The following ATP13A4 variants were observed in gnomAD, a reference collection of about 807,000 sequenced individuals.
ATP13A4 encodes probable cation-transporting ATPase 13A4.
A neutral mutation model predicts 142.5 loss-of-function variants in ATP13A4; 114 were observed. The observed-to-expected ratio is 0.80, with a 90% CI of 0.69 to 0.93. The LOEUF is 0.93. ATP13A4 is among the 40% of genes least tolerant of loss of function. The pLI is 0.00. For synonymous variants in ATP13A4, 488 were observed against 514.8 expected, an observed-to-expected ratio of 0.95 and a Z score of 0.70; for missense variants, 1,392 against 1,454.0, an observed-to-expected ratio of 0.96 and a Z score of 0.69.
chr3:193,516,845 C>T (rs1288972611), intron 1 of ATP13A4, among the ~76,000 whole-genome samples: 1 of 151,994 alleles, frequency 6.6e-6, no homozygotes, highest in Non-Finnish European at 1.5e-5. Context: ...TGTTCATTGC[C>T]AACATAAAGT....
chr3:193,465,236 G>A, intron 11 of ATP13A4, 108 bp from the exon 12 acceptor site: 8 of 1,181,392 alleles, frequency 6.8e-6, no homozygotes, highest in South Asian at 4.0e-5. Flanking sequence ...CGCCCAGGCT[G>A]GAATACAGTG....
At chr3:193,489,948 T>C in intron 6 of ATP13A4, 84 bp from the exon 7 acceptor site, 1 of 1,397,110 alleles carries the variant, frequency 7.2e-7, no homozygotes, top group Admixed American at 1.7e-5. Flanking sequence ...CATAATCATC[T>C]TCATGACATA....
chr3:193,512,106 C>T (rs1174173397), intron 2 of ATP13A4, among the ~76,000 whole-genome samples: 17 of 152,194 alleles, frequency 1.1e-4, no homozygotes, highest in African/African-American at 3.6e-4. Flanking sequence ...TGCTGATGGA[C>T]CCTGCAAGGC....
At chr3:193,498,923 A>C (rs1465108377) in intron 3 of ATP13A4, among the ~76,000 whole-genome samples, 1 of 152,236 alleles carries the variant, frequency 6.6e-6, no homozygotes, top group African/African-American at 2.4e-5. Flanking sequence ...GGCACAAAAT[A>C]AGTGCTCAAT....
chr3:193,538,622 T>C (rs1045738924), intron 1 of ATP13A4, among the ~76,000 whole-genome samples: 3 of 151,890 alleles, frequency 2.0e-5, no homozygotes, highest in African/African-American at 7.3e-5. Context: ...TCAGCACTTG[T>C]GGATGAAAGC....
At chr3:193,527,661 G>T (rs933420833) in intron 1 of ATP13A4, among the ~76,000 whole-genome samples, 1 of 149,522 alleles carries the variant, frequency 6.7e-6, no homozygotes, top group Non-Finnish European at 1.5e-5. Flanking sequence ...CCTTCCTGCC[G>T]CCATGTAAGA....
At chr3:193,470,788 C>T (rs904937341) in intron 9 of ATP13A4, 71 bp downstream of exon 9, 37 of 1,606,804 alleles carry the variant, frequency 2.3e-5, no homozygotes, top group Admixed American at 1.3e-4. Flanking sequence ...GAGGAGGAGG[C>T]GTAGGGACCA....
At chr3:193,538,416 T>C (rs1033162321) in intron 1 of ATP13A4, among the ~76,000 whole-genome samples, 2 of 151,320 alleles carry the variant, frequency 1.3e-5, no homozygotes, top group Non-Finnish European at 2.9e-5. Flanking sequence ...GATCTACATC[T>C]ATTTTAGAGA....
At chr3:193,534,111 C>T (rs1459200638) in intron 1 of ATP13A4, among the ~76,000 whole-genome samples, 3 of 152,150 alleles carry the variant, frequency 2.0e-5, no homozygotes, top group Non-Finnish European at 4.4e-5. Flanking sequence ...GTTTGAACTC[C>T]TACCTTTATC....
rs1483937765 is a variant in ATP13A4, at chr3:193,438,502, T to C, written c.2645A>G (p.Asn882Ser). ...VASPFTSKTPNIECVPHLIKE... is the reference protein window; with the variant it reads ...VASPFTSKTPSIECVPHLIKE... ...GATAAGGTGAGGTACGCACTCAATG[T>C]TTGGAGTTTTGGAAGTGAAAGGTGA... The change falls in exon 23 of 30, where the codon AAC (asparagine) becomes AGC (serine). Residue 882 changes from asparagine (N) to serine (S), a missense_variant. Coordinates refer to ENST00000342695, the MANE Select transcript of ATP13A4 (RefSeq NM_032279.4). 1 of 1,613,768 alleles carries C rather than the reference T, an allele frequency of 6.2e-7. No homozygotes were observed. Among genetic ancestry groups the C allele is most frequent in the African/African-American group, 1.3e-5 (1 of 74,908 alleles).
intron 12 of ATP13A4, among the ~76,000 whole-genome samples, 163 bp from the exon 13 acceptor site, chr3:193,462,986 A>T (rs1472188276): frequency 6.8e-6 from 1 of 146,830 alleles, no homozygotes; most frequent in African/African-American, 2.6e-5. Context: ...CCCTATTTTA[A>T]AAAAAAAAAA....
At chr3:193,424,369 C>T (rs1715550228) in intron 25 of ATP13A4, among the ~76,000 whole-genome samples, 1 of 149,028 alleles carries the variant, frequency 6.7e-6, no homozygotes, top group South Asian at 2.1e-4. Flanking sequence ...CCTTGAATAA[C>T]CAAAGCACTC....
At chr3:193,500,204 T>C (rs538951991) in intron 3 of ATP13A4, among the ~76,000 whole-genome samples, 2 of 152,234 alleles carry the variant, frequency 1.3e-5, no homozygotes, top group Admixed American at 1.3e-4. Flanking sequence ...GCGGGGTGAA[T>C]TTCATCTTTC....
upstream of ATP13A4, among the ~76,000 whole-genome samples, chr3:193,556,804 A>G (rs578215314): frequency 6.6e-6 from 1 of 152,302 alleles, no homozygotes; most frequent in Admixed American, 6.5e-5. Flanking sequence ...ATACCTCAAA[A>G]AAACCTAACT....
intron 2 of ATP13A4, among the ~76,000 whole-genome samples, chr3:193,560,650 C>T (rs956425607): frequency 4.6e-5 from 7 of 152,326 alleles, no homozygotes; most frequent in Admixed American, 4.6e-4. Flanking sequence ...ATGGCCATAT[C>T]ACTGAATTGT....
At chr3:193,413,016 C>T (rs930600602) in intron 26 of ATP13A4, among the ~76,000 whole-genome samples, 6 of 152,144 alleles carry the variant, frequency 3.9e-5, no homozygotes, top group African/African-American at 1.2e-4. Flanking sequence ...GAGAGAGACT[C>T]CATCTCTATA....
intron 1 of ATP13A4, among the ~76,000 whole-genome samples, chr3:193,531,822 C>A (rs112113189): frequency 1.3e-5 from 2 of 152,130 alleles, no homozygotes; most frequent in African/African-American, 4.8e-5. Context: ...TTGGGGGAAA[C>A]CTCCTTATTG....
chr3:193,547,805 T>A (rs570685019), intron 1 of ATP13A4, among the ~76,000 whole-genome samples: 1 of 152,346 alleles, frequency 6.6e-6, no homozygotes, highest in South Asian at 2.1e-4. Flanking sequence ...CTTAATGCTC[T>A]GCTATCACCA....
Position 193,503,995 on chromosome 3 carries a change from A to ATGTGTGTG in ATP13A4, c.235-1364_235-1357dup, listed in dbSNP as rs554927410. Among the ~76,000 whole-genome samples, 8 of 136,174 alleles carry ATGTGTGTG rather than the reference A, an allele frequency of 5.9e-5. No individual in the cohort carries two copies. The South Asian group carries it at 1.4e-3, about 25-fold the overall frequency. The allele number at this position is 136,174 out of a possible 152,430, so 89.3% of individuals were successfully genotyped here. ...CAGGCTTAGCACAGGTTCTGTGTGCATGTGTGTGTGTGTGTGTGTGTGTGT... is the reference window on the plus strand; with the variant it reads ...CAGGCTTAGCACAGGTTCTGTGTGCATGTGTGTGTGTGTGTGTGTGTGTGTGTGTGTGT... On this transcript the variant is annotated intron_variant, in intron 2 of 29. Coordinates refer to ENST00000342695, the MANE Select transcript of ATP13A4 (RefSeq NM_032279.4).
Sources: allele counts gnomAD v4.1 joint callset (sites outside exome capture counted in the v4.1 genomes callset), GRCh38; gene constraint gnomAD v4.1.1; transcripts MANE v1.5; gene names NCBI Gene and HGNC (gene_info 2026-07-23, HGNC 2026-07-21).